The following PPM1K variants were observed in gnomAD, a reference collection of about 807,000 sequenced individuals.
The protein encoded by PPM1K is protein phosphatase Mn(2+)-dependent 1K.
In PPM1K, 19 loss-of-function variants were observed where a neutral mutation model predicts 32.6. That is an observed-to-expected ratio of 0.58 (90% CI 0.41 to 0.86). The LOEUF is 0.86. Ranked by LOEUF, PPM1K falls within the 40% of genes least tolerant of loss-of-function variation. The probability of loss-of-function intolerance (pLI) is 0.00; values close to 1 mark genes in which losing one functional copy is unlikely to be tolerated. For synonymous variants in PPM1K, 159 were observed against 165.3 expected (o/e 0.96, Z 0.29); for missense variants, 362 against 461.2 (o/e 0.78, Z 1.97).
intron 1 of PPM1K, among the ~76,000 whole-genome samples, chr4:88,282,661 AAAC>A (rs1198566351): frequency 9.2e-5 from 14 of 152,242 alleles, no homozygotes; most frequent in Admixed American, 9.2e-4. Flanking sequence ...GGAAAAAAGA[AAAC>A]AACAATAAAA....
chr4:88,278,829 G>A lies in PPM1K; in HGVS notation c.-59-187C>T. 2.2e-6 allele frequency: 1 copy of A among 451,080 alleles called. No homozygotes were observed. Among genetic ancestry groups the A allele is most frequent in the Non-Finnish European group, 4.0e-6 (1 of 252,810 alleles). The allele number at this position is 451,080 out of a possible 1,614,324, so 27.9% of individuals were successfully genotyped here. ...TACATATATTTATGTTATATATTGG[G>A]TAGGCATCCAGTAGCCTGCTTCTAA... On this transcript the variant is annotated intron_variant, in intron 1 of 6. Transcript: ENST00000608933. The surrounding 1 kb of genome is among the most constrained non-coding windows in gnomAD (Gnocchi z 4.2).
At chr4:88,269,448 C>T (rs1731471287) in intron 3 of PPM1K, among the ~76,000 whole-genome samples, 1 of 152,148 alleles carries the variant, frequency 6.6e-6, no homozygotes, top group Admixed American at 6.5e-5. Flanking sequence ...CATATTCTAC[C>T]CCTGTATGCT....
chr4:88,270,846 T>A (rs1560488133), intron 3 of PPM1K, among the ~76,000 whole-genome samples: 1 of 152,254 alleles, frequency 6.6e-6, no homozygotes. Flanking sequence ...CAAAACTAAC[T>A]GTCAATTCTG....
chr4:88,278,218 G>A lies in PPM1K; in HGVS notation c.366C>T (p.Tyr122=). 1.9e-6 allele frequency: 3 copies of A among 1,614,190 alleles called. No homozygotes were observed. Among genetic ancestry groups the A allele is most frequent in the African/African-American group, 1.3e-5 (1 of 75,052 alleles). ...DFAQLTDEVL[Y]FAVYDGHGGP... is the part of the protein sequence containing the mutation. ...CACCGTGTCCATCATACACTGCAAA[G>A]TACAGGACCTCATCTGTCAGCTGAG... The change falls in exon 2 of 7, where the codon TAC becomes TAT. Residue 122 remains tyrosine, a synonymous_variant. Coordinates refer to ENST00000608933, the MANE Select transcript of PPM1K (RefSeq NM_152542.5). This position sits in a 1 kb window ranked among gnomAD's most constrained non-coding sequence, Gnocchi z 4.2.
intron 3 of PPM1K, chr4:88,276,694 A>C (rs1434401679): frequency 5.1e-6 from 5 of 984,094 alleles, no homozygotes; most frequent in Non-Finnish European, 6.0e-6. Context: ...ACCTATTTGC[A>C]ATTTTTTTCT....
chr4:88,283,508 G>C (rs1413629250), intron 1 of PPM1K, among the ~76,000 whole-genome samples: 2 of 152,242 alleles, frequency 1.3e-5, no homozygotes, highest in Non-Finnish European at 2.9e-5. Context: ...AACCGATGAG[G>C]CCTTGCTGCA....
In PPM1K at chr4:88,278,222, A is replaced by C; in HGVS notation, c.362T>G (p.Leu121Arg). 1 of 1,614,228 alleles carries C rather than the reference A, an allele frequency of 6.2e-7. No individual in the cohort carries two copies. The highest frequency in any genetic ancestry group is 8.5e-7 in the Non-Finnish European group (1 of 1,180,032). Residue 121 changes from leucine (L) to arginine (R), a missense_variant, in exon 2 of 7, where the codon CTG becomes CGG. Physicochemically the swap from Leu to Arg is moderately radical, Grantham distance 102 (BLOSUM62 -2). Transcript: ENST00000608933. The surrounding 1 kb of genome is among the most constrained non-coding windows in gnomAD (Gnocchi z 4.2). Reference protein sequence around the residue: ...FDFAQLTDEVLYFAVYDGHGG... With the variant: ...FDFAQLTDEVRYFAVYDGHGG... ...GTGTCCATCATACACTGCAAAGTACAGGACCTCATCTGTCAGCTGAGCGAA... is the reference window on the plus strand; with the variant it reads ...GTGTCCATCATACACTGCAAAGTACCGGACCTCATCTGTCAGCTGAGCGAA...
intron 1 of PPM1K, chr4:88,284,134 A>C (rs2110179407): frequency 6.6e-6 from 1 of 150,756 alleles, no homozygotes; most frequent in South Asian, 2.2e-4. Context: ...CTGGGCTGGA[A>C]ACCCGCCGCC....
In PPM1K at chr4:88,278,396, T is replaced by C. The variant is rs376474865; in HGVS notation, c.188A>G (p.Asn63Ser). 8.1e-6 allele frequency: 13 copies of C among 1,614,210 alleles called. No homozygotes were observed. Among genetic ancestry groups the C allele is most frequent in the African/African-American group, 1.3e-5 (1 of 75,050 alleles). ...DGSGSPATWD[N>S]FGIWDNRIDE... ...AATGCGGTTATCCCAGATCCCAAAA[T>C]TGTCCCAGGTAGCTGGACTCCCACT... The change falls in exon 2 of 7, where the codon AAT becomes AGT. Residue 63 changes from asparagine (N) to serine (S), a missense_variant. Asn to Ser is a conservative substitution (Grantham distance 46, BLOSUM62 1). Coordinates refer to ENST00000608933, the MANE Select transcript of PPM1K (RefSeq NM_152542.5). The surrounding 1 kb of genome is among the most constrained non-coding windows in gnomAD (Gnocchi z 4.2).
In PPM1K at chr4:88,268,428, C is replaced by A. The variant is rs569505708; in HGVS notation, c.708-94G>T. ...ACGAGGTCAGGAGATCGAGACCATC[C>A]TGGCTAACACGGTGAAACCCCGTCT... On this transcript the variant is annotated intron_variant, in intron 4 of 6. Transcript: ENST00000608933. 36 of 1,401,774 alleles carry A rather than the reference C, an allele frequency of 2.6e-5. No individual in the cohort carries two copies. The Middle Eastern group carries it at 1.0e-3, about 41-fold the overall frequency. 86.8% of individuals were successfully genotyped at this position (1,401,774 alleles called of 1,614,324 possible).
intron 3 of PPM1K, chr4:88,274,910 A>C: frequency 3.3e-6 from 1 of 305,788 alleles, no homozygotes. Flanking sequence ...TTTAAAAAAC[A>C]CAGACCGATA....
intron 6 of PPM1K, among the ~76,000 whole-genome samples, chr4:88,264,052 A>G (rs967939662): frequency 6.6e-6 from 1 of 152,246 alleles, no homozygotes; most frequent in Non-Finnish European, 1.5e-5. Flanking sequence ...TAGAATGCAA[A>G]TATCTGCAAG....
intron 1 of PPM1K, chr4:88,279,452 G>C (rs1028804534): frequency 3.3e-5 from 5 of 152,160 alleles, no homozygotes; most frequent in Admixed American, 3.3e-4. Context: ...ATGATCTCAG[G>C]AACCTGGCAG....
intron 3 of PPM1K, among the ~76,000 whole-genome samples, chr4:88,269,333 T>C (rs996567952): frequency 6.6e-6 from 1 of 152,244 alleles, no homozygotes; most frequent in African/African-American, 2.4e-5. Context: ...GACTTTTCTA[T>C]AGTCTATGGA....
intron 6 of PPM1K, among the ~76,000 whole-genome samples, chr4:88,264,715 T>C (rs1311054766): frequency 2.0e-5 from 3 of 152,248 alleles, no homozygotes; most frequent in Admixed American, 1.3e-4. Context: ...AATGAGCTAA[T>C]ACATATGAAT....
chr4:88,283,714 C>T (rs573575560), intron 1 of PPM1K: 1 of 152,522 alleles, frequency 6.6e-6, no homozygotes, highest in East Asian at 1.9e-4. Context: ...CCCAAGTCTT[C>T]GGATCAAAAC....
At chr4:88,267,180 G>T (rs1470768528) in intron 5 of PPM1K, among the ~76,000 whole-genome samples, 3 of 148,080 alleles carry the variant, frequency 2.0e-5, no homozygotes, top group South Asian at 4.4e-4. Context: ...GGCTGATTGG[G>T]TGCAAGTGAT....
At chr4:88,272,383 A>G (rs1342353759) in intron 3 of PPM1K, among the ~76,000 whole-genome samples, 1 of 152,236 alleles carries the variant, frequency 6.6e-6, no homozygotes, top group African/African-American at 2.4e-5. Flanking sequence ...TCATAATGCC[A>G]TCAATGTCCC....
At chr4:88,274,988 A>G in intron 3 of PPM1K, 2 of 512,874 alleles carry the variant, frequency 3.9e-6, no homozygotes, top group Non-Finnish European at 5.0e-6. Flanking sequence ...ATTTAATAAC[A>G]ATATTATAAT....
Sources: allele counts gnomAD v4.1 joint callset (sites outside exome capture counted in the v4.1 genomes callset), GRCh38; gene constraint gnomAD v4.1.1; non-coding constraint Gnocchi (gnomAD v3.1); transcripts MANE v1.5; gene names NCBI Gene and HGNC (gene_info 2026-07-23, HGNC 2026-07-21).